Variants in NRG3 observed in about 807,000 individuals in gnomAD.
NRG3 encodes the protein neuregulin 3.
NRG3 carries 31 observed loss-of-function variants against 66.9 expected under a neutral mutation model. The ratio of observed to expected loss-of-function variants is 0.46; its 90% CI spans 0.35 to 0.63. NRG3 has a LOEUF of 0.63. Among genes scored for constraint, NRG3 ranks in the 20% least tolerant of loss-of-function variants. The pLI, the probability that NRG3 is intolerant of heterozygous loss-of-function variation, is 0.00. For missense variants in NRG3, 910 were observed against 878.9 expected (o/e 1.04, Z -0.45); for synonymous variants, 393 against 359.4 (o/e 1.09, Z -1.06).
At chr10:81,885,789 T>C (rs1334587424) in intron 1 of NRG3, among the ~76,000 whole-genome samples, 1 of 152,148 alleles carries the variant, frequency 6.6e-6, no homozygotes, top group Non-Finnish European at 1.5e-5. Context: ...ACAATGACAG[T>C]TGTGCTCATT....
chr10:82,338,642 A>AAATATG (rs2082517070), intron 1 of NRG3, among the ~76,000 whole-genome samples: 1 of 152,232 alleles, frequency 6.6e-6, no homozygotes, highest in Non-Finnish European at 1.5e-5. Context: ...AATTAGATAT[A>AAATATG]CAGTTGATGC....
chr10:82,950,628 G>A (rs1003901617), intron 4 of NRG3, among the ~76,000 whole-genome samples: 9 of 152,208 alleles, frequency 5.9e-5, no homozygotes, highest in African/African-American at 2.2e-4. Flanking sequence ...GTATTTGCAA[G>A]AGAGTAAATG....
chr10:82,978,640 T>C (rs1852530364), intron 7 of NRG3, among the ~76,000 whole-genome samples: 1 of 152,156 alleles, frequency 6.6e-6, no homozygotes, highest in South Asian at 2.1e-4. Context: ...ATGAGGAGCT[T>C]GAGAATTCCT....
intron 8 of NRG3, among the ~76,000 whole-genome samples, chr10:82,981,552 A>G (rs891689325): frequency 6.6e-6 from 1 of 152,206 alleles, no homozygotes; most frequent in African/African-American, 2.4e-5. Context: ...ATGAATTTGC[A>G]AGAGCCATCA....
Position 81,925,604 on chromosome 10 carries a change from A to G in NRG3, c.823+49441A>G, listed in dbSNP as rs543509906. On this transcript the variant is annotated intron_variant, in intron 1 of 8. Coordinates refer to ENST00000372141, the MANE Select transcript of NRG3 (RefSeq NM_001010848.4). ...TTTAGGGAAATACTTTCTTTTGTCA[A>G]TCCAGATGAGTGATGAAAAAGTACC... 2.0e-5 allele frequency among the ~76,000 whole-genome samples: 3 copies of G among 152,294 alleles called. No homozygotes were observed. In the East Asian group the frequency reaches 5.8e-4, roughly 29 times the overall value.
At chr10:82,692,920 C>T (rs1216803246) in intron 2 of NRG3, among the ~76,000 whole-genome samples, 1 of 152,128 alleles carries the variant, frequency 6.6e-6, no homozygotes, top group Non-Finnish European at 1.5e-5. Flanking sequence ...CTGTAATATT[C>T]ATGGCCCTGA....
At chr10:82,943,699 G>T (rs1374893110) in intron 4 of NRG3, among the ~76,000 whole-genome samples, 2 of 151,414 alleles carry the variant, frequency 1.3e-5, no homozygotes, top group African/African-American at 4.9e-5. Flanking sequence ...AGATGAACAT[G>T]CTAATGTCCT....
intron 4 of NRG3, among the ~76,000 whole-genome samples, chr10:82,904,708 A>G (rs976371872): frequency 2.6e-5 from 4 of 152,176 alleles, no homozygotes; most frequent in Admixed American, 1.3e-4. Flanking sequence ...CCTCTGTGTT[A>G]GAGAATCATA....
intron 1 of NRG3, among the ~76,000 whole-genome samples, chr10:82,003,566 T>C (rs898953747): frequency 3.9e-5 from 6 of 152,234 alleles, no homozygotes; most frequent in African/African-American, 1.2e-4. Context: ...GCCAATAGAT[T>C]CATGCATTTT....
At chr10:82,299,357 C>G (rs1267253337) in intron 1 of NRG3, among the ~76,000 whole-genome samples, 1 of 152,126 alleles carries the variant, frequency 6.6e-6, no homozygotes, top group Non-Finnish European at 1.5e-5. Flanking sequence ...AATGAGAAAA[C>G]TAAGTACAGA....
intron 3 of NRG3, among the ~76,000 whole-genome samples, chr10:82,823,611 C>T (rs978760263): frequency 3.9e-4 from 60 of 152,072 alleles, no homozygotes; most frequent in African/African-American, 1.3e-3. Context: ...TGGCTGCTGA[C>T]AGGTGAGAGC....
intron 1 of NRG3, among the ~76,000 whole-genome samples, chr10:82,311,917 C>G: frequency 6.6e-6 from 1 of 152,146 alleles, no homozygotes. Context: ...TTTCAACCAC[C>G]TCATCGTGAT....
chr10:82,408,830 A>G (rs573083934), intron 2 of NRG3, among the ~76,000 whole-genome samples: 2 of 151,980 alleles, frequency 1.3e-5, no homozygotes, highest in African/African-American at 4.8e-5. Flanking sequence ...GGAGGAATAC[A>G]TTATTTATTG....
At chr10:82,984,440 C>T (rs1370154482) in intron 8 of NRG3, among the ~76,000 whole-genome samples, 1 of 152,180 alleles carries the variant, frequency 6.6e-6, no homozygotes, top group Non-Finnish European at 1.5e-5. Context: ...TCATATTCAT[C>T]CCCAGGCAGG....
At chr10:82,344,139 T>C (rs2135419677) in intron 1 of NRG3, among the ~76,000 whole-genome samples, 2 of 151,032 alleles carry the variant, frequency 1.3e-5, no homozygotes, top group South Asian at 4.2e-4. Flanking sequence ...CGTATACATG[T>C]GCCATGCTGG....
intron 1 of NRG3, among the ~76,000 whole-genome samples, chr10:82,312,516 T>A (rs974229779): frequency 2.6e-5 from 4 of 152,238 alleles, no homozygotes; most frequent in African/African-American, 7.2e-5. Context: ...TCCTAGCTCC[T>A]GCCGTGAAAG....
chr10:82,572,001 G>C (rs997299074), intron 2 of NRG3, among the ~76,000 whole-genome samples: 1 of 150,490 alleles, frequency 6.6e-6, no homozygotes, highest in Non-Finnish European at 1.5e-5. Context: ...TCCTTGTACT[G>C]TTTTAAGTAT....
chr10:82,189,597 C>T (rs749136704), intron 1 of NRG3, among the ~76,000 whole-genome samples: 18 of 152,098 alleles, frequency 1.2e-4, no homozygotes, highest in Non-Finnish European at 2.1e-4. Flanking sequence ...CGAGACCAGT[C>T]TGGCCAGCGT....
chr10:82,597,596 T>C (rs1202865874), intron 2 of NRG3, among the ~76,000 whole-genome samples: 2 of 152,206 alleles, frequency 1.3e-5, no homozygotes, highest in African/African-American at 4.8e-5. Context: ...TGTGCTTCTT[T>C]TGCTTTTTAT....
Sources: gnomAD v4.1 joint callset for allele counts (sites outside exome capture counted in the v4.1 genomes callset) on GRCh38, gnomAD v4.1.1 for gene constraint, MANE v1.5 for transcripts, NCBI Gene and HGNC (gene_info 2026-07-23, HGNC 2026-07-21) for gene names.